Variants in PRRC2B observed in about 807,000 individuals in gnomAD.
The protein encoded by PRRC2B is proline rich coiled-coil 2B.
In PRRC2B, 68 loss-of-function variants were observed where a neutral mutation model predicts 242.3. That is an observed-to-expected ratio of 0.28 (90% CI 0.23 to 0.34). The LOEUF is 0.34. Among genes scored for constraint, PRRC2B ranks in the 10% least tolerant of loss-of-function variants. The probability of loss-of-function intolerance (pLI) is 1.00; values close to 1 mark genes in which losing one functional copy is unlikely to be tolerated. For missense variants in PRRC2B, 2,835 were observed against 2,954.8 expected, an observed-to-expected ratio of 0.96 and a Z score of 0.94; for synonymous variants, 1,228 against 1,173.6, an observed-to-expected ratio of 1.05 and a Z score of -0.95.
chr9:131,467,879 C>T (rs1943440698), intron 13 of PRRC2B, 126 bp downstream of exon 13: 11 of 931,044 alleles, frequency 1.2e-5, no homozygotes, highest in Non-Finnish European at 1.7e-5. Flanking sequence ...TATGTGCCCC[C>T]AAGACCAGTG....
At position 131,487,806 on chromosome 9, in the gene PRRC2B, C is replaced by G; in HGVS notation, c.5985-50C>G. On this transcript the variant is annotated intron_variant, in intron 27 of 31. Coordinates refer to ENST00000683519, the MANE Select transcript of PRRC2B (RefSeq NM_013318.4). This position sits in a 1 kb window ranked among gnomAD's most constrained non-coding sequence, Gnocchi z 5.3. ...GATCTCTGAAGGGTGGGACCAGATC[C>G]GCAGCTGGACTCATCCACCTGATCC... is the stretch of plus-strand genomic sequence containing the variant. 5 of 1,569,602 alleles carry G rather than the reference C, an allele frequency of 3.2e-6. No individual in the cohort carries two copies. The highest frequency in any genetic ancestry group is 4.3e-6 in the Non-Finnish European group (5 of 1,151,402).
intron 11 of PRRC2B, among the ~76,000 whole-genome samples, chr9:131,461,468 G>A (rs184601011): frequency 6.6e-6 from 1 of 152,246 alleles, no homozygotes; most frequent in African/African-American, 2.4e-5. Flanking sequence ...TGAGGAGTGG[G>A]AGGGCTGGGG....
intron 1 of PRRC2B, 34 bp from the exon 2 acceptor site, chr9:131,430,060 C>G (rs879207675): frequency 2.1e-6 from 1 of 475,610 alleles, no homozygotes; most frequent in Non-Finnish European, 3.7e-6. Context: ...TTTTCTCTCT[C>G]TTTTTTTTTT....
chr9:131,448,543 C>CCAAAAAAAAAAAAAAAAAAAAA (rs1838883733), intron 9 of PRRC2B, among the ~76,000 whole-genome samples: 1 of 39,874 alleles, frequency 2.5e-5, no homozygotes, highest in African/African-American at 8.3e-5. Context: ...GACACTGTCT[C>CCAAAAAAAAAAAAAAAAAAAAA]AAAAAAAAAA....
intron 1 of PRRC2B, among the ~76,000 whole-genome samples, chr9:131,421,890 G>T (rs370371895): frequency 2.0e-5 from 3 of 152,158 alleles, no homozygotes; most frequent in African/African-American, 7.2e-5. Flanking sequence ...GCCGCCTTTC[G>T]TGTCTGCACC....
intron 1 of PRRC2B, among the ~76,000 whole-genome samples, chr9:131,388,867 G>A (rs1341341519): frequency 1.6e-4 from 19 of 116,932 alleles, no homozygotes; most frequent in African/African-American, 5.1e-4. Flanking sequence ...TTGAGACGGA[G>A]TCTCGCTCCG....
Position 131,447,716 on chromosome 9 carries a change from G to A in PRRC2B, c.1032G>A (p.Val344=). Residue 344 remains valine, a synonymous_variant, in exon 9 of 32, where the codon GTG becomes GTA. Transcript: ENST00000683519. ...CACTCCGCCCACTAAGGCAGCTGGTGGAGCGGGCACCACGGCCCACCATTA... is the reference window on the plus strand; with the variant it reads ...CACTCCGCCCACTAAGGCAGCTGGTAGAGCGGGCACCACGGCCCACCATTA... ...SRPLRPLRQL[V]ERAPRPTIIN... 6.2e-7 allele frequency: 1 copy of A among 1,613,536 alleles called. No homozygotes were observed. Among genetic ancestry groups the A allele is most frequent in the Non-Finnish European group, 8.5e-7 (1 of 1,179,638 alleles).
chr9:131,403,085 G>C (rs947301451), intron 1 of PRRC2B, among the ~76,000 whole-genome samples: 2 of 152,086 alleles, frequency 1.3e-5, no homozygotes, highest in South Asian at 2.1e-4. Flanking sequence ...AACTTTTTTC[G>C]GCAGGTGTTG....
chr9:131,483,843 G>A (rs950571227), intron 23 of PRRC2B, among the ~76,000 whole-genome samples: 6 of 152,164 alleles, frequency 3.9e-5, no homozygotes, highest in African/African-American at 1.2e-4. Context: ...ACCTGCTGGC[G>A]CTCTACCATG....
At chr9:131,463,861 A>G (rs1008068839) in intron 11 of PRRC2B, among the ~76,000 whole-genome samples, 10 of 149,272 alleles carry the variant, frequency 6.7e-5, no homozygotes, top group Non-Finnish European at 8.9e-5. Flanking sequence ...TCGAGCTCCT[A>G]GGCTCATGCA....
chr9:131,494,644 G>A lies in PRRC2B; in HGVS notation c.6555+158G>A, dbSNP rs559131901. Among the ~76,000 whole-genome samples the A allele has an allele frequency of 1.8e-4, 28 of 152,340 alleles. No homozygotes were observed. In the South Asian group the frequency reaches 3.7e-3, roughly 20 times the overall value. On this transcript the variant is annotated intron_variant, in intron 31 of 31. Transcript: ENST00000683519. The surrounding 1 kb of genome is among the most constrained non-coding windows in gnomAD (Gnocchi z 4.3). ...CAGAACCGGGAGCTGGGCCGCCCGC[G>A]TCCCTCCTGGCGAAGGCATTTCTCC...
intron 25 of PRRC2B, chr9:131,485,774 G>A (rs1396826582): frequency 4.7e-6 from 3 of 638,986 alleles, no homozygotes; most frequent in Non-Finnish European, 5.9e-6. Context: ...GGTTAAAGTA[G>A]AATGCCCCTT....
chr9:131,447,463 C>T (rs993524445), intron 8 of PRRC2B, among the ~76,000 whole-genome samples, 199 bp from the exon 9 acceptor site: 10 of 152,074 alleles, frequency 6.6e-5, no homozygotes, highest in African/African-American at 2.4e-4. Context: ...TAGCAACCAG[C>T]ATGTAAAACT....
chr9:131,437,879 T>TCTGAAGC (rs777220038), intron 4 of PRRC2B, among the ~76,000 whole-genome samples: 12 of 152,186 alleles, frequency 7.9e-5, no homozygotes, highest in Non-Finnish European at 1.6e-4. Flanking sequence ...CAGATTTGCC[T>TCTGAAGC]CTGAAGCCTG....
chr9:131,390,499 T>C (rs1172902698), upstream of PRRC2B, among the ~76,000 whole-genome samples: 1 of 139,224 alleles, frequency 7.2e-6, no homozygotes, highest in Non-Finnish European at 1.6e-5. Context: ...TTTTTTTTTT[T>C]TGAGACAGAG....
Position 131,478,145 on chromosome 9 carries a change from G to A in PRRC2B, c.4612+196G>A, listed in dbSNP as rs1056513490. Among the ~76,000 whole-genome samples the A allele has an allele frequency of 2.0e-5, 3 of 152,252 alleles. No homozygotes were observed. In the Middle Eastern group the frequency reaches 0.01, roughly 518 times the overall value. ...TCCCACCGAGTGTTGCTCACAGCCC[G>A]TTGAATCCCCGTGACACCCTGCAGC... On this transcript the variant is annotated intron_variant, in intron 17 of 31. Coordinates refer to ENST00000683519, the MANE Select transcript of PRRC2B (RefSeq NM_013318.4).
rs767319599 is a variant in PRRC2B at position 131,486,097 on chromosome 9, C to T, written c.5771C>T (p.Pro1924Leu). The T allele has an allele frequency of 1.2e-5, 19 of 1,611,894 alleles. No homozygotes were observed. Among genetic ancestry groups the T allele is most frequent in the African/African-American group, 2.7e-5 (2 of 74,862 alleles). ...PSASMPGSHL[P>L]PLYLDGHVFA... Reference sequence around the variant, plus strand: ...GCTCTGTTTCCAGGCAGCCACCTCCCGCCCCTGTACCTGGATGGCCATGTG... The same window carrying T: ...GCTCTGTTTCCAGGCAGCCACCTCCTGCCCCTGTACCTGGATGGCCATGTG... The change falls in exon 26 of 32, where the codon CCG becomes CTG. Residue 1924 changes from proline to leucine, a missense_variant. Pro to Leu is a moderately conservative substitution (Grantham distance 98). This residue lies in a region of PRRC2B where 574 missense variants were observed against 626.0 expected (regional missense o/e 0.92). Coordinates refer to ENST00000683519, the MANE Select transcript of PRRC2B (RefSeq NM_013318.4).
At chr9:131,484,549 A>G (rs1043551411) in intron 23 of PRRC2B, 137 bp from the exon 24 acceptor site, 15 of 616,258 alleles carry the variant, frequency 2.4e-5, no homozygotes, top group Non-Finnish European at 4.2e-5. Context: ...TTTTGGGAAA[A>G]GCCATGGATG....
chr9:131,486,148 C>G lies in PRRC2B; in HGVS notation c.5822C>G (p.Pro1941Arg), dbSNP rs778169488. Reference sequence around the variant, plus strand: ...TTTGCAAGTCAGCCCCGGCTGGTTCCTCAAACGATACCTCAGCAGCAGAGT... The same window carrying G: ...TTTGCAAGTCAGCCCCGGCTGGTTCGTCAAACGATACCTCAGCAGCAGAGT... ...HVFASQPRLV[P>R]QTIPQQQSYQ... is the part of the protein sequence containing the mutation. Residue 1941 changes from proline (P) to arginine (R), a missense_variant, in exon 26 of 32, where the codon CCT (proline) becomes CGT (arginine). This residue lies in a region of PRRC2B where 574 missense variants were observed against 626.0 expected (regional missense o/e 0.92). Coordinates refer to ENST00000683519, the MANE Select transcript of PRRC2B (RefSeq NM_013318.4). 2 of 1,612,668 alleles carry G rather than the reference C, an allele frequency of 1.2e-6. No individual in the cohort carries two copies. Among genetic ancestry groups the G allele is most frequent in the East Asian group, 4.5e-5 (2 of 44,832 alleles).
Sources: allele counts gnomAD v4.1 joint callset (sites outside exome capture counted in the v4.1 genomes callset), GRCh38; gene constraint gnomAD v4.1.1; regional missense constraint gnomAD v4.1.1; non-coding constraint Gnocchi (gnomAD v3.1); transcripts MANE v1.5; gene names NCBI Gene and HGNC (gene_info 2026-07-23, HGNC 2026-07-21).